The following COL14A1 variants were observed in gnomAD, a reference collection of about 807,000 sequenced individuals.
The protein encoded by COL14A1 is collagen alpha-1(XIV) chain.
Under a neutral mutation model 230.3 loss-of-function variants are expected in COL14A1, and 136 were observed. The ratio of observed to expected loss-of-function variants is 0.59; its 90% CI spans 0.51 to 0.68. The LOEUF is 0.68. COL14A1 is among the 30% of genes least tolerant of loss of function. COL14A1 has a pLI of 0.00. For synonymous variants in COL14A1, 792 were observed against 784.1 expected, an observed-to-expected ratio of 1.01 and a Z score of -0.17; for missense variants, 1,976 against 2,215.8, an observed-to-expected ratio of 0.89 and a Z score of 2.17.
chr8:120,356,460 C>T (rs899496034), intron 45 of COL14A1, among the ~76,000 whole-genome samples: 1 of 152,172 alleles, frequency 6.6e-6, no homozygotes. Context: ...CTCTGAAACT[C>T]CATTCATTCA....
intron 44 of COL14A1, among the ~76,000 whole-genome samples, chr8:120,344,446 T>C (rs10106487): frequency 0.045 from 6,838 of 152,298 alleles, 497 homozygotes; most frequent in African/African-American, 0.15. Context: ...AAAATGATGA[T>C]GGACAGTCCC....
chr8:120,163,286 G>T (rs1292836686), intron 4 of COL14A1, among the ~76,000 whole-genome samples: 1 of 152,144 alleles, frequency 6.6e-6, no homozygotes, highest in Non-Finnish European at 1.5e-5. Context: ...CCGAGTAATG[G>T]GCTGTGGAGA....
intron 33 of COL14A1, among the ~76,000 whole-genome samples, chr8:120,286,437 A>G (rs1820204564): frequency 6.6e-6 from 1 of 152,192 alleles, no homozygotes. Flanking sequence ...CACTGTCATC[A>G]TAACAGTTAC....
chr8:120,285,192 G>A (rs548623733), intron 32 of COL14A1, among the ~76,000 whole-genome samples: 2 of 151,536 alleles, frequency 1.3e-5, no homozygotes, highest in African/African-American at 2.4e-5. Flanking sequence ...GGTGGCTCAC[G>A]CCTGTAATCC....
chr8:120,277,013 G>A (rs987873869), intron 26 of COL14A1, among the ~76,000 whole-genome samples: 6 of 152,062 alleles, frequency 3.9e-5, no homozygotes, highest in Non-Finnish European at 5.9e-5. Flanking sequence ...CAAAGCTCTC[G>A]AAAGATGCTA....
chr8:120,191,802 G>A (rs1289888778), intron 5 of COL14A1, among the ~76,000 whole-genome samples: 1 of 152,022 alleles, frequency 6.6e-6, no homozygotes, highest in Non-Finnish European at 1.5e-5. Flanking sequence ...TTATGTAATG[G>A]CCTTCTTTGT....
At position 120,209,811 on chromosome 8, in the gene COL14A1, G is replaced by A. The variant is rs1817566554; in HGVS notation, c.1377G>A (p.Met459Ile). Reference sequence around the variant, plus strand: ...TGTACGACGTGACTGAGAACAGCATGCGAGTCAAATGGGATGCAGTGCCTG... The same window carrying A: ...TGTACGACGTGACTGAGAACAGCATACGAGTCAAATGGGATGCAGTGCCTG... Reference protein sequence around the residue: ...LLLYDVTENSMRVKWDAVPGA... With the variant: ...LLLYDVTENSIRVKWDAVPGA... Residue 459 changes from methionine (M) to isoleucine (I), a missense_variant, in exon 12 of 48, where the codon ATG becomes ATA. Coordinates refer to ENST00000297848, the MANE Select transcript of COL14A1 (RefSeq NM_021110.4). 7 of 1,613,796 alleles carry A rather than the reference G, an allele frequency of 4.3e-6. No homozygotes were observed. The South Asian group carries it at 7.7e-5, about 18-fold the overall frequency.
rs767288147 is a variant in COL14A1 at position 120,341,359 on chromosome 8, G to A, written c.4820G>A (p.Arg1607Gln). The A allele has an allele frequency of 1.5e-5, 25 of 1,614,006 alleles. No individual in the cohort carries two copies. The highest frequency in any genetic ancestry group is 2.0e-5 in the Non-Finnish European group (24 of 1,180,022). ...VPGAKGERGE[R>Q]GDLQSQAMVR... ...GGAGCAAAGGGGGAACGAGGAGAGC[G>A]GGTAAGTATCCTGTGGCTCTGCTTT... is the stretch of plus-strand genomic sequence containing the variant. The change falls in exon 43 of 48, where the codon CGG (arginine) becomes CAG (glutamine). Residue 1607 changes from arginine to glutamine, a missense_variant and splice_region_variant. Arg to Gln is a conservative substitution (Grantham distance 43). Around this residue, in one of 3 missense-constraint regions of COL14A1, gnomAD observed 1,791 missense variants for 2,019.5 expected, o/e 0.89. Coordinates refer to ENST00000297848, the MANE Select transcript of COL14A1 (RefSeq NM_021110.4).
rs1314754871 is a variant in COL14A1, at chr8:120,278,235, G to A, written c.3337+1G>A. On this transcript the variant is annotated splice_donor_variant, in intron 27 of 47. Transcript: ENST00000297848. LOFTEE classifies it high-confidence loss of function. ...TACAAAGGAGGAAATACAAAAACAG[G>A]TATGACCAAAAGAAGCCCAGCTAAG... 6.9e-6 allele frequency: 11 copies of A among 1,602,742 alleles called. No individual in the cohort carries two copies. Among genetic ancestry groups the A allele is most frequent in the Non-Finnish European group, 7.7e-6 (9 of 1,176,330 alleles).
chr8:120,268,170 A>G (rs1819555557), intron 25 of COL14A1, among the ~76,000 whole-genome samples: 1 of 151,770 alleles, frequency 6.6e-6, no homozygotes. Context: ...ACATTATATA[A>G]TAGCAAAATT....
intron 34 of COL14A1, among the ~76,000 whole-genome samples, chr8:120,295,759 A>G (rs1177208831): frequency 6.6e-6 from 1 of 151,728 alleles, no homozygotes; most frequent in African/African-American, 2.4e-5. Context: ...CTCTATACTA[A>G]CTCATTTAAT....
chr8:120,156,985 TA>T (rs2130515004), intron 2 of COL14A1, among the ~76,000 whole-genome samples: 1 of 152,318 alleles, frequency 6.6e-6, no homozygotes, highest in South Asian at 2.1e-4. Flanking sequence ...TAAAAAAGGC[TA>T]ACTTTTCCAT....
intron 17 of COL14A1, 118 bp downstream of exon 17, chr8:120,227,470 C>A: frequency 5.4e-6 from 7 of 1,294,348 alleles, no homozygotes; most frequent in Non-Finnish European, 6.4e-6. Flanking sequence ...TTCTCTTTGT[C>A]CCCCAGAATT....
rs1255628840 is a variant in COL14A1, at chr8:120,345,508, A to T, written c.5022A>T (p.Pro1674=). The part of the protein sequence containing the change: ...SPGAPGEQGP[P]GTPGFPGNAG... ...GAGCCCCTGGTGAACAAGGACCCCC[A>T]GGCACACCAGGCTTCCCCGGAAATG... The change falls in exon 45 of 48, where the codon CCA becomes CCT. Residue 1674 remains proline, a synonymous_variant. Coordinates refer to ENST00000297848, the MANE Select transcript of COL14A1 (RefSeq NM_021110.4). The T allele has an allele frequency of 1.8e-5, 28 of 1,590,598 alleles. No homozygotes were observed. Among genetic ancestry groups the T allele is most frequent in the Non-Finnish European group, 2.3e-5 (27 of 1,171,438 alleles).
At chr8:120,217,676 C>T (rs1817797313) in intron 14 of COL14A1, among the ~76,000 whole-genome samples, 1 of 151,840 alleles carries the variant, frequency 6.6e-6, no homozygotes, top group Non-Finnish European at 1.5e-5. Context: ...AGTAAATAAT[C>T]CTGAAGAGTC....
At position 120,334,123 on chromosome 8, in the gene COL14A1, GGC is replaced by G. The variant is rs1821969343; in HGVS notation, c.4785+1389_4785+1390del. On this transcript the variant is annotated intron_variant, in intron 42 of 47. Coordinates refer to ENST00000297848, the MANE Select transcript of COL14A1 (RefSeq NM_021110.4). Reference sequence around the variant, plus strand: ...AAATGTTGGTTCTCATTCAGAAAGTGGCCTCTCTTCGTCTAGCAACCCAGATA... The same window carrying G: ...AAATGTTGGTTCTCATTCAGAAAGTGCTCTCTTCGTCTAGCAACCCAGATA... Among the ~76,000 whole-genome samples the G allele has an allele frequency of 2.6e-5, 4 of 152,234 alleles. No individual in the cohort carries two copies. The South Asian group carries it at 8.3e-4, about 32-fold the overall frequency.
chr8:120,280,128 A>G lies in COL14A1; in HGVS notation c.3646+29A>G, dbSNP rs1006777446. The G allele has an allele frequency of 2.5e-6, 4 of 1,612,196 alleles. No individual in the cohort carries two copies. The African/African-American group carries it at 4.0e-5, about 16-fold the overall frequency. On this transcript the variant is annotated intron_variant, in intron 29 of 47. Coordinates refer to ENST00000297848, the MANE Select transcript of COL14A1 (RefSeq NM_021110.4). Reference sequence around the variant, plus strand: ...AGTTCTTTGGAATTTGTACTTACTCATGTTGCTTAACAGCTGAAATATTTG... The same window carrying G: ...AGTTCTTTGGAATTTGTACTTACTCGTGTTGCTTAACAGCTGAAATATTTG...
chr8:120,319,514 G>A (rs970353204), intron 40 of COL14A1, among the ~76,000 whole-genome samples: 1 of 152,028 alleles, frequency 6.6e-6, no homozygotes, highest in Non-Finnish European at 1.5e-5. Flanking sequence ...CAAACTTAAA[G>A]CGCAAACCAG....
At chr8:120,176,386 T>G (rs1816284165) in intron 5 of COL14A1, among the ~76,000 whole-genome samples, 1 of 152,176 alleles carries the variant, frequency 6.6e-6, no homozygotes, top group South Asian at 2.1e-4. Flanking sequence ...GTCATTATGG[T>G]TGAGTGTAGC....
Sources: gnomAD v4.1 joint callset for allele counts (sites outside exome capture counted in the v4.1 genomes callset) on GRCh38, gnomAD v4.1.1 for gene constraint, gnomAD v4.1.1 regional missense constraint, MANE v1.5 for transcripts, NCBI Gene and HGNC (gene_info 2026-07-23, HGNC 2026-07-21) for gene names.